Variants in PIK3R1 observed in about 807,000 individuals in gnomAD.
The protein encoded by PIK3R1 is phosphatidylinositol 3-kinase regulatory subunit alpha.
Under a neutral mutation model 98.0 loss-of-function variants are expected in PIK3R1, and 29 were observed. That is an observed-to-expected ratio of 0.30 (90% CI 0.22 to 0.40). The LOEUF (loss-of-function observed/expected upper bound fraction) is 0.40. PIK3R1 is among the 10% of genes least tolerant of loss of function. The probability of loss-of-function intolerance (pLI) is 1.00; values close to 1 mark genes in which losing one functional copy is unlikely to be tolerated. For synonymous variants in PIK3R1, 282 were observed against 311.8 expected (o/e 0.90, Z 1.01); for missense variants, 596 against 872.7 (o/e 0.68, Z 3.99).
intron 1 of PIK3R1, among the ~76,000 whole-genome samples, chr5:68,220,699 C>A (rs1744063270): frequency 6.6e-6 from 1 of 152,188 alleles, no homozygotes; most frequent in Admixed American, 6.5e-5. Flanking sequence ...GCCTGTTTAC[C>A]CACACCACAC....
rs1463705488 is a variant in PIK3R1 at position 68,301,432 on chromosome 5, A to ATATATATATG, written c.*3832_*3833insATATATATGT. ...TATATATATATATATATATATATAT[A>ATATATATATG]TGTGTGTGTATATATATATATATGT... On this transcript the variant is annotated 3_prime_UTR_variant, in exon 16 of 16. Coordinates refer to ENST00000521381, the MANE Select transcript of PIK3R1 (RefSeq NM_181523.3). 1.4e-5 allele frequency: 1 copy of ATATATATATG among 73,518 alleles called. No individual in the cohort carries two copies. The highest frequency in any genetic ancestry group is 2.4e-5 in the Non-Finnish European group (1 of 40,876). The allele number at this position is 73,518 out of a possible 1,614,324, so 4.6% of individuals were successfully genotyped here.
Position 68,297,652 on chromosome 5 carries a change from T to A in PIK3R1, c.*51T>A, listed in dbSNP as rs2112295581. 1 of 1,503,048 alleles carries A rather than the reference T, an allele frequency of 6.7e-7. No individual in the cohort carries two copies. The highest frequency in any genetic ancestry group is 9.2e-7 in the Non-Finnish European group (1 of 1,091,542). The allele number at this position is 1,503,048 out of a possible 1,614,324, so 93.1% of individuals were successfully genotyped here. A position where few individuals can be genotyped will look rare whatever the true frequency, so the allele number is the denominator to read the frequency against. ...TGAAGTTCAGCCACCCTGAGGCCTC[T>A]GGAAAGCAAAGGGCTCCTCTCCAGT... On this transcript the variant is annotated 3_prime_UTR_variant, in exon 16 of 16. Transcript: ENST00000521381.
At chr5:68,291,093 T>C (rs1459655074) in intron 7 of PIK3R1, 5 of 365,570 alleles carry the variant, frequency 1.4e-5, no homozygotes, top group Non-Finnish European at 2.5e-5. Flanking sequence ...TGGTGTCTTT[T>C]GTTAATCGAG....
At chr5:68,268,696 C>T (rs1746219989) in intron 2 of PIK3R1, among the ~76,000 whole-genome samples, 1 of 152,224 alleles carries the variant, frequency 6.6e-6, no homozygotes, top group Non-Finnish European at 1.5e-5. Flanking sequence ...GCTTGGGCAG[C>T]CTCTGGAGTC....
intron 1 of PIK3R1, 137 bp from the exon 2 acceptor site, chr5:68,226,153 G>T: frequency 3.1e-6 from 1 of 320,804 alleles, no homozygotes; most frequent in East Asian, 4.7e-5. Flanking sequence ...AATCTCTGTT[G>T]TGTCAAGCAA....
At chr5:68,294,344 T>C (rs563893311) in intron 11 of PIK3R1, among the ~76,000 whole-genome samples, 192 bp from the exon 12 acceptor site, 9 of 152,252 alleles carry the variant, frequency 5.9e-5, no homozygotes, top group Non-Finnish European at 1.2e-4. Flanking sequence ...AGGAAATTGC[T>C]ACGCAATCAT....
At chr5:68,275,166 C>T (rs543367435) in intron 4 of PIK3R1, among the ~76,000 whole-genome samples, 30 of 152,238 alleles carry the variant, frequency 2.0e-4, no homozygotes, top group African/African-American at 7.2e-4. Flanking sequence ...CTCCATTTTT[C>T]CTTTGTACAT....
chr5:68,263,008 T>G lies in PIK3R1; in HGVS notation c.335-10382T>G, dbSNP rs1249028393. Among the ~76,000 whole-genome samples, 12 of 50,186 alleles carry G rather than the reference T, an allele frequency of 2.4e-4. 1 individual carries two copies. Among genetic ancestry groups the G allele is most frequent in the African/African-American group, 6.3e-4 (8 of 12,680 alleles). 32.9% of individuals were successfully genotyped at this position (50,186 alleles called of 152,430 possible). The stretch of plus-strand genomic sequence containing the variant: ...ATACATGTAGATACATGTATACATA[T>G]ATACATGTAGATACATGTAGATACA... On this transcript the variant is annotated intron_variant, in intron 2 of 15. Coordinates refer to ENST00000521381, the MANE Select transcript of PIK3R1 (RefSeq NM_181523.3).
intron 1 of PIK3R1, among the ~76,000 whole-genome samples, 165 bp from the exon 2 acceptor site, chr5:68,226,125 G>A (rs2111961008): frequency 6.6e-6 from 1 of 152,260 alleles, no homozygotes. Context: ...GTTCTTAGAA[G>A]GCAGGGACTG....
chr5:68,292,546 A>G (rs1229840586), intron 8 of PIK3R1, 185 bp downstream of exon 8: 1 of 1,513,850 alleles, frequency 6.6e-7, no homozygotes, highest in Non-Finnish European at 8.8e-7. Flanking sequence ...TGCCACAGGA[A>G]ATTAAATACC....
At chr5:68,220,971 G>A (rs553034976) in intron 1 of PIK3R1, among the ~76,000 whole-genome samples, 7 of 152,354 alleles carry the variant, frequency 4.6e-5, no homozygotes, top group East Asian at 3.9e-4. Context: ...ATGCAACTGT[G>A]TTGGGAGGTA....
intron 15 of PIK3R1, among the ~76,000 whole-genome samples, chr5:68,297,046 C>T (rs1747758560): frequency 6.6e-6 from 1 of 152,184 alleles, no homozygotes; most frequent in African/African-American, 2.4e-5. Context: ...AGTAACACTG[C>T]TAGTCATGGA....
chr5:68,267,682 C>G (rs1281215060), intron 2 of PIK3R1, among the ~76,000 whole-genome samples: 2 of 151,806 alleles, frequency 1.3e-5, no homozygotes, highest in Non-Finnish European at 2.9e-5. Flanking sequence ...CGGCCACACT[C>G]AATATAATTT....
rs186900448 is a variant in PIK3R1 at position 68,222,899 on chromosome 5, A to G, written c.-386-3391A>G. 1.7e-3 allele frequency among the ~76,000 whole-genome samples: 255 copies of G among 152,242 alleles called. 1 individual carries two copies. The highest frequency in any genetic ancestry group is 4.7e-3 in the African/African-American group (194 of 41,522). On this transcript the variant is annotated intron_variant, in intron 1 of 15. Coordinates refer to ENST00000521381, the MANE Select transcript of PIK3R1 (RefSeq NM_181523.3). ...GCTAGACTGCCTGGATCTGAATTCT[A>G]GTTCCTCTTCGCAATTGCTAAGTAT...
At position 68,226,521 on chromosome 5, in the gene PIK3R1, C is replaced by G. The variant is rs1744280574; in HGVS notation, c.-155C>G. On this transcript the variant is annotated 5_prime_UTR_variant, in exon 2 of 16. Coordinates refer to ENST00000521381, the MANE Select transcript of PIK3R1 (RefSeq NM_181523.3). The stretch of plus-strand genomic sequence containing the variant: ...TGGACAGCCGTATGGCCAGTCACCT[C>G]TCCTCTTAAACCTTTGGAGAGTGGT... 3.2e-6 allele frequency: 2 copies of G among 621,544 alleles called. No homozygotes were observed. The highest frequency in any genetic ancestry group is 5.6e-6 in the Non-Finnish European group (2 of 359,458). 38.5% of individuals were successfully genotyped at this position (621,544 alleles called of 1,614,324 possible). A position where few individuals can be genotyped will look rare whatever the true frequency, so the allele number is the denominator to read the frequency against.
At chr5:68,284,066 A>G (rs1746969008) in intron 7 of PIK3R1, among the ~76,000 whole-genome samples, 1 of 152,242 alleles carries the variant, frequency 6.6e-6, no homozygotes, top group Non-Finnish European at 1.5e-5. Context: ...CTGGATTGGA[A>G]TCTCAACTCT....
chr5:68,217,670 G>GCGCGCGCGT (rs1466466706), intron 1 of PIK3R1: 1 of 152,084 alleles, frequency 6.6e-6, no homozygotes, highest in Non-Finnish European at 1.5e-5. Flanking sequence ...GCGTGCCTGC[G>GCGCGCGCGT]GCTAAAGTTT....
intron 2 of PIK3R1, among the ~76,000 whole-genome samples, chr5:68,258,964 C>G (rs1745633027): frequency 1.3e-5 from 2 of 152,204 alleles, no homozygotes; most frequent in South Asian, 4.1e-4. Flanking sequence ...ATTTGACCCT[C>G]TTAGCATCTA....
At chr5:68,276,005 C>T (rs1746557494) in intron 4 of PIK3R1, among the ~76,000 whole-genome samples, 2 of 152,204 alleles carry the variant, frequency 1.3e-5, no homozygotes, top group Non-Finnish European at 2.9e-5. Flanking sequence ...AGCTGACCCT[C>T]AGGTAAATAA....
Sources: gnomAD v4.1 joint callset for allele counts (sites outside exome capture counted in the v4.1 genomes callset) on GRCh38, gnomAD v4.1.1 for gene constraint, MANE v1.5 for transcripts, NCBI Gene and HGNC (gene_info 2026-07-23, HGNC 2026-07-21) for gene names.